CDH8: variants seen among roughly 807,000 people sequenced by gnomAD.
CDH8 encodes cadherin-8.
CDH8 carries 17 observed loss-of-function variants against 68.1 expected under a neutral mutation model. The ratio of observed to expected loss-of-function variants is 0.25; its 90% CI spans 0.17 to 0.37. The LOEUF is 0.37. Ranked by LOEUF, CDH8 falls within the 10% of genes least tolerant of loss-of-function variation. The probability of loss-of-function intolerance (pLI) is 1.00; values close to 1 mark genes in which losing one functional copy is unlikely to be tolerated. For synonymous variants in CDH8, 372 were observed against 365.1 expected, an observed-to-expected ratio of 1.02 and a Z score of -0.21; for missense variants, 763 against 999.3, an observed-to-expected ratio of 0.76 and a Z score of 3.19.
At chr16:61,699,468 C>T (rs1964383349) in intron 10 of CDH8, among the ~76,000 whole-genome samples, 1 of 152,130 alleles carries the variant, frequency 6.6e-6, no homozygotes, top group East Asian at 1.9e-4. Flanking sequence ...TGATGGCTGC[C>T]TTTGCTTCCT....
intron 4 of CDH8, among the ~76,000 whole-genome samples, chr16:61,841,343 A>G (rs907345208): frequency 1.1e-4 from 17 of 152,204 alleles, no homozygotes; most frequent in African/African-American, 3.9e-4. Flanking sequence ...CTATTCAGCC[A>G]TAAAAAGAGA....
intron 2 of CDH8, among the ~76,000 whole-genome samples, chr16:61,909,094 C>T (rs547874662): frequency 4.7e-5 from 7 of 150,454 alleles, no homozygotes; most frequent in East Asian, 2.0e-4. Flanking sequence ...CTCTGCTCTA[C>T]GAAAAAAAAA....
At chr16:61,899,925 A>T (rs768579716) in intron 3 of CDH8, among the ~76,000 whole-genome samples, 6 of 151,754 alleles carry the variant, frequency 4.0e-5, no homozygotes, top group African/African-American at 7.3e-5. Context: ...GAGGTAAGGC[A>T]TTCTGTACTA....
intron 2 of CDH8, among the ~76,000 whole-genome samples, chr16:61,914,429 G>A (rs1352814333): frequency 1.3e-5 from 2 of 152,146 alleles, no homozygotes; most frequent in East Asian, 3.9e-4. Flanking sequence ...TCCCAGACTT[G>A]TAAATATGTG....
At chr16:61,703,278 A>G (rs1964466498) in intron 10 of CDH8, among the ~76,000 whole-genome samples, 2 of 152,098 alleles carry the variant, frequency 1.3e-5, no homozygotes, top group South Asian at 4.1e-4. Flanking sequence ...ATATAGGGAG[A>G]TAGTTTTTTC....
intron 10 of CDH8, among the ~76,000 whole-genome samples, chr16:61,697,970 T>C (rs937099735): frequency 2.0e-5 from 3 of 152,184 alleles, no homozygotes; most frequent in African/African-American, 7.2e-5. Flanking sequence ...ACACTAGACT[T>C]TTTTATTATT....
At chr16:61,959,221 T>C (rs926759985) in intron 2 of CDH8, among the ~76,000 whole-genome samples, 2 of 152,170 alleles carry the variant, frequency 1.3e-5, no homozygotes, top group Admixed American at 6.5e-5. Context: ...ACTATACTTA[T>C]TCACCTGCCT....
intron 8 of CDH8, among the ~76,000 whole-genome samples, chr16:61,760,572 TA>T (rs1960438943): frequency 1.3e-5 from 2 of 151,952 alleles, no homozygotes; most frequent in Non-Finnish European, 2.9e-5. Context: ...CTCAGCCTCT[TA>T]AAGTGCTGGG....
At chr16:61,937,320 T>C (rs1168784408) in intron 2 of CDH8, among the ~76,000 whole-genome samples, 6 of 152,150 alleles carry the variant, frequency 3.9e-5, no homozygotes, top group Non-Finnish European at 8.8e-5. Flanking sequence ...ATAGGAAAGA[T>C]CTTAGATTTG....
chr16:61,842,931 G>A (rs1286897712), intron 4 of CDH8, among the ~76,000 whole-genome samples: 1 of 152,118 alleles, frequency 6.6e-6, no homozygotes, highest in Non-Finnish European at 1.5e-5. Context: ...TCAGAGACAG[G>A]TGTTGGCAGT....
intron 10 of CDH8, among the ~76,000 whole-genome samples, chr16:61,669,314 A>G (rs1230668788): frequency 1.3e-5 from 2 of 152,056 alleles, no homozygotes; most frequent in African/African-American, 4.8e-5. Flanking sequence ...TCTGCTATCT[A>G]TAAGACGTCA....
At chr16:61,953,873 T>C (rs1439486594) in intron 2 of CDH8, among the ~76,000 whole-genome samples, 2 of 124,602 alleles carry the variant, frequency 1.6e-5, no homozygotes, top group African/African-American at 6.9e-5. Context: ...TGAGACTCTG[T>C]CTCAAAAAGA....
chr16:61,713,602 G>A (rs1964669758), intron 10 of CDH8, among the ~76,000 whole-genome samples: 1 of 151,566 alleles, frequency 6.6e-6, no homozygotes, highest in Non-Finnish European at 1.5e-5. Flanking sequence ...AAAGTAAGGT[G>A]ATTGAAGTAT....
At chr16:61,941,050 A>G (rs1012548207) in intron 2 of CDH8, among the ~76,000 whole-genome samples, 2 of 152,256 alleles carry the variant, frequency 1.3e-5, no homozygotes, top group Admixed American at 6.5e-5. Context: ...AACTCAATCA[A>G]GTTGAACTTG....
Position 61,918,974 on chromosome 16 carries a change from C to A in CDH8, c.253-17501G>T, listed in dbSNP as rs548585896. 1.5e-4 allele frequency among the ~76,000 whole-genome samples: 22 copies of A among 147,648 alleles called. 2 individuals are homozygous for A. Among genetic ancestry groups the A allele is most frequent in the African/African-American group, 5.0e-4 (20 of 39,830 alleles). ...CAGCACGCAGCTGGAGATCTGAGAACCGGCAGACTGCCTCTTCAAGTGGGT... is the reference window on the plus strand; with the variant it reads ...CAGCACGCAGCTGGAGATCTGAGAAACGGCAGACTGCCTCTTCAAGTGGGT... On this transcript the variant is annotated intron_variant, in intron 2 of 11. Transcript: ENST00000577390.
rs1902077821 is a variant in CDH8 at position 62,021,594 on chromosome 16, T to C, written c.-191A>G. 4 of 1,335,624 alleles carry C rather than the reference T, an allele frequency of 3.0e-6. No individual in the cohort carries two copies. Among genetic ancestry groups the C allele is most frequent in the Admixed American group, 3.5e-5 (1 of 28,268 alleles). The allele number at this position is 1,335,624 out of a possible 1,614,324, so 82.7% of individuals were successfully genotyped here. On this transcript the variant is annotated 5_prime_UTR_variant, in exon 2 of 12. Coordinates refer to ENST00000577390, the MANE Select transcript of CDH8 (RefSeq NM_001796.5). Reference sequence around the variant, plus strand: ...ACAATCCATTGGCTTTTCTTTTCATTGAAATTTCCTGCAAAAACAAGGAGG... The same window carrying C: ...ACAATCCATTGGCTTTTCTTTTCATCGAAATTTCCTGCAAAAACAAGGAGG...
intron 8 of CDH8, among the ~76,000 whole-genome samples, chr16:61,769,185 A>G (rs2142983619): frequency 6.6e-6 from 1 of 151,926 alleles, no homozygotes; most frequent in African/African-American, 2.4e-5. Flanking sequence ...ATAAAAAAGT[A>G]TTTCAACCTT....
At chr16:61,994,864 C>T (rs544444611) in intron 2 of CDH8, among the ~76,000 whole-genome samples, 5 of 152,292 alleles carry the variant, frequency 3.3e-5, no homozygotes, top group South Asian at 4.1e-4. Flanking sequence ...TTGCTCTTCA[C>T]GTTAGAATCA....
chr16:61,731,198 G>C (rs1261040670), intron 8 of CDH8, among the ~76,000 whole-genome samples: 2 of 151,662 alleles, frequency 1.3e-5, no homozygotes, highest in African/African-American at 4.8e-5. Flanking sequence ...AACACTAAAG[G>C]TTGCTATGAA....
Sources: gnomAD v4.1 joint callset for allele counts (sites outside exome capture counted in the v4.1 genomes callset) on GRCh38, gnomAD v4.1.1 for gene constraint, MANE v1.5 for transcripts, NCBI Gene and HGNC (gene_info 2026-07-23, HGNC 2026-07-21) for gene names.